ABHD6: variants seen among roughly 807,000 people sequenced by gnomAD.
The protein encoded by ABHD6 is monoacylglycerol lipase ABHD6.
Under a neutral mutation model 38.8 loss-of-function variants are expected in ABHD6, and 33 were observed. That is an observed-to-expected ratio of 0.85 (90% CI 0.64 to 1.14). The LOEUF (loss-of-function observed/expected upper bound fraction) is 1.14, where lower values mean the gene tolerates loss of function less well. Ranked by LOEUF, ABHD6 falls within the 50% of genes most tolerant of loss-of-function variation. The pLI is 0.00. For missense variants in ABHD6, 380 were observed against 422.6 expected (o/e 0.90, Z 0.88); for synonymous variants, 147 against 161.6 (o/e 0.91, Z 0.69).
intron 1 of ABHD6, among the ~76,000 whole-genome samples, chr3:58,242,286 G>A (rs2097423383): frequency 6.6e-6 from 1 of 152,168 alleles, no homozygotes; most frequent in South Asian, 2.1e-4. Context: ...CATGCTGAGA[G>A]CCACTGCCAA....
At chr3:58,250,971 A>G (rs781102115) in intron 2 of ABHD6, among the ~76,000 whole-genome samples, 1 of 152,222 alleles carries the variant, frequency 6.6e-6, no homozygotes, top group Non-Finnish European at 1.5e-5. Context: ...AAGTAGGAGA[A>G]TGAAAGATGC....
rs752658730 is a variant in ABHD6 at position 58,262,902 on chromosome 3, T to A, written c.120-4287T>A. ...CTAGCCAACATGGTGAAACCCTGTC[T>A]CTACTAAAAAAATACAAAAATTAGA... On this transcript the variant is annotated intron_variant, in intron 3 of 9. Transcript: ENST00000478253. 1.4e-3 allele frequency among the ~76,000 whole-genome samples: 209 copies of A among 152,086 alleles called. 2 individuals are homozygous for A. Among genetic ancestry groups the A allele is most frequent in the Non-Finnish European group, 1.7e-3 (119 of 68,024 alleles).
intron 1 of ABHD6, among the ~76,000 whole-genome samples, chr3:58,247,591 G>T (rs1021986845): frequency 2.6e-5 from 4 of 152,006 alleles, no homozygotes; most frequent in African/African-American, 9.6e-5. Flanking sequence ...TTGTTTGTTT[G>T]TTTTTGAGAG....
intron 1 of ABHD6, among the ~76,000 whole-genome samples, chr3:58,243,628 C>A (rs1234907774): frequency 6.6e-6 from 1 of 151,658 alleles, no homozygotes; most frequent in African/African-American, 2.4e-5. Context: ...GTATCTGATT[C>A]TCCGCAGTTT....
chr3:58,286,852 G>GTATGTATATATATATATATATA (rs2097457581), intron 9 of ABHD6, among the ~76,000 whole-genome samples: 1 of 70,648 alleles, frequency 1.4e-5, no homozygotes, highest in Non-Finnish European at 2.8e-5. Flanking sequence ...GTGTGTGTGT[G>GTATGTATATATATATATATATA]TATATATATA....
chr3:58,258,307 C>CA (rs1330153298), intron 3 of ABHD6: 395 of 386,524 alleles, frequency 1.0e-3, no homozygotes, highest in Non-Finnish European at 1.2e-3. Flanking sequence ...AACTGCATCT[C>CA]AAAAAAAAAT....
intron 3 of ABHD6, chr3:58,258,543 A>T (rs2097434873): frequency 3.3e-6 from 1 of 300,832 alleles, no homozygotes; most frequent in Admixed American, 4.2e-5. Context: ...TTATCAAATG[A>T]AATTGCCCTT....
chr3:58,293,222 C>T lies in ABHD6; in HGVS notation c.838-367C>T, dbSNP rs1181634103. 1.3e-5 allele frequency among the ~76,000 whole-genome samples: 2 copies of T among 152,190 alleles called. No individual in the cohort carries two copies. The highest frequency in any genetic ancestry group is 1.5e-5 in the Non-Finnish European group (1 of 68,036). On this transcript the variant is annotated intron_variant, in intron 9 of 9. Transcript: ENST00000478253. The surrounding 1 kb of genome is among the most constrained non-coding windows in gnomAD (Gnocchi z 4.4). The stretch of plus-strand genomic sequence containing the variant: ...TCCCACATCCGTGAATGCTCCTCCC[C>T]TGTCCCCTTTCTGCTCTCCCGGGAC...
intron 1 of ABHD6, among the ~76,000 whole-genome samples, chr3:58,246,499 G>A (rs2097426502): frequency 6.6e-6 from 1 of 152,172 alleles, no homozygotes; most frequent in East Asian, 1.9e-4. Flanking sequence ...CGGCTTTCTG[G>A]TTCTCTCTGA....
At chr3:58,242,636 G>C (rs1407859723) in intron 1 of ABHD6, among the ~76,000 whole-genome samples, 1 of 152,236 alleles carries the variant, frequency 6.6e-6, no homozygotes, top group Admixed American at 6.5e-5. Flanking sequence ...TGTATGCTAA[G>C]TACTGTGACA....
In ABHD6 at chr3:58,265,882, A is replaced by T. The variant is rs907302591; in HGVS notation, c.120-1307A>T. Among the ~76,000 whole-genome samples, 1 of 152,196 alleles carries T rather than the reference A, an allele frequency of 6.6e-6. No individual in the cohort carries two copies. Among genetic ancestry groups the T allele is most frequent in the Non-Finnish European group, 1.5e-5 (1 of 68,030 alleles). On this transcript the variant is annotated intron_variant, in intron 3 of 9. Transcript: ENST00000478253. The surrounding 1 kb of genome is among the most constrained non-coding windows in gnomAD (Gnocchi z 4.2). Reference sequence around the variant, plus strand: ...AATCTACTCCCTCAATAATAGCATTAATCTATTTATGAAGGCAAAACTGTC... The same window carrying T: ...AATCTACTCCCTCAATAATAGCATTTATCTATTTATGAAGGCAAAACTGTC...
intron 9 of ABHD6, among the ~76,000 whole-genome samples, chr3:58,290,169 T>G (rs1371939939): frequency 1.0e-5 from 1 of 99,712 alleles, no homozygotes; most frequent in Admixed American, 9.1e-5. Flanking sequence ...GGCGGGGGGC[T>G]GACCCCCCCA....
Position 58,259,478 on chromosome 3 carries a change from G to A in ABHD6, c.119+2773G>A, listed in dbSNP as rs1017561315. On this transcript the variant is annotated intron_variant, in intron 3 of 9. Transcript: ENST00000478253. This position sits in a 1 kb window ranked among gnomAD's most constrained non-coding sequence, Gnocchi z 4.7. ...GAGGATCACTTGAGGCCAGGAGTTCGAGACCAGCCTGGCCAACATGGCGAA... is the reference window on the plus strand; with the variant it reads ...GAGGATCACTTGAGGCCAGGAGTTCAAGACCAGCCTGGCCAACATGGCGAA... Among the ~76,000 whole-genome samples the A allele has an allele frequency of 1.3e-5, 2 of 152,054 alleles. No homozygotes were observed. The highest frequency in any genetic ancestry group is 2.1e-4 in the South Asian group (1 of 4,824).
chr3:58,272,516 G>C (rs1333326419), intron 6 of ABHD6, among the ~76,000 whole-genome samples: 1 of 152,066 alleles, frequency 6.6e-6, no homozygotes, highest in East Asian at 1.9e-4. Context: ...ATATGTTGAG[G>C]ACATTGAAAT....
Position 58,294,491 on chromosome 3 carries a change from C to T in ABHD6, c.*726C>T, listed in dbSNP as rs776039117. On this transcript the variant is annotated 3_prime_UTR_variant, in exon 10 of 10. Coordinates refer to ENST00000478253, the MANE Select transcript of ABHD6 (RefSeq NM_001320126.2). ...TAATTTATTATTTTTAAAAATAGGC[C>T]TAATAAAGCAATAATGTTCTAGACA... 1 of 152,548 alleles carries T rather than the reference C, an allele frequency of 6.6e-6. No homozygotes were observed. The highest frequency in any genetic ancestry group is 1.5e-5 in the Non-Finnish European group (1 of 68,028). 9.4% of individuals were successfully genotyped at this position (152,548 alleles called of 1,614,324 possible). A position where few individuals can be genotyped will look rare whatever the true frequency, so the allele number is the denominator to read the frequency against.
chr3:58,281,732 A>G (rs2097453440), intron 7 of ABHD6, among the ~76,000 whole-genome samples: 2 of 152,238 alleles, frequency 1.3e-5, no homozygotes, highest in Admixed American at 6.5e-5. Flanking sequence ...CTTGGAACCT[A>G]TCCTCGTTAT....
In ABHD6 at chr3:58,285,223, C is replaced by T; in HGVS notation, c.736+84C>T. 5 of 1,544,848 alleles carry T rather than the reference C, an allele frequency of 3.2e-6. No individual in the cohort carries two copies. Among genetic ancestry groups the T allele is most frequent in the East Asian group, 2.2e-5 (1 of 44,496 alleles). On this transcript the variant is annotated intron_variant, in intron 8 of 9. Transcript: ENST00000478253. This position sits in a 1 kb window ranked among gnomAD's most constrained non-coding sequence, Gnocchi z 4.9. The stretch of plus-strand genomic sequence containing the variant: ...GCTTTTATTTCTTAAATCTCTGACA[C>T]TTTGAATGTCTCTTTGGGCCCCTGA...
chr3:58,271,274 C>T (rs1235218084), intron 6 of ABHD6, among the ~76,000 whole-genome samples: 1 of 151,266 alleles, frequency 6.6e-6, no homozygotes, highest in Non-Finnish European at 1.5e-5. Flanking sequence ...AGCCTTGTTA[C>T]ACCAAGAATT....
At chr3:58,291,904 C>T (rs1299656228) in intron 9 of ABHD6, among the ~76,000 whole-genome samples, 1 of 152,134 alleles carries the variant, frequency 6.6e-6, no homozygotes, top group Admixed American at 6.5e-5. Context: ...GAGCCATGAT[C>T]GTGCCACTGC....
Sources: allele counts gnomAD v4.1 joint callset (sites outside exome capture counted in the v4.1 genomes callset), GRCh38; gene constraint gnomAD v4.1.1; non-coding constraint Gnocchi (gnomAD v3.1); transcripts MANE v1.5; gene names NCBI Gene and HGNC (gene_info 2026-07-23, HGNC 2026-07-21).